The following TSHZ3 variants were observed in gnomAD, a reference collection of about 807,000 sequenced individuals.
TSHZ3 encodes teashirt zinc finger homeobox 3.
Under a neutral mutation model 64.5 loss-of-function variants are expected in TSHZ3, and 10 were observed. The ratio of observed to expected loss-of-function variants is 0.16; its 90% CI spans 0.10 to 0.26. The LOEUF (loss-of-function observed/expected upper bound fraction) is 0.26, where lower values mean the gene tolerates loss of function less well. Ranked by LOEUF, TSHZ3 falls within the 10% of genes least tolerant of loss-of-function variation. The pLI is 1.00. For synonymous variants in TSHZ3, 608 were observed against 593.1 expected, an observed-to-expected ratio of 1.03 and a Z score of -0.36; for missense variants, 1,242 against 1,421.7, an observed-to-expected ratio of 0.87 and a Z score of 2.03.
intron 3 of TSHZ3, among the ~76,000 whole-genome samples, chr19:31,231,611 T>C (rs748727990): frequency 6.6e-6 from 1 of 152,224 alleles, no homozygotes; most frequent in Non-Finnish European, 1.5e-5. Flanking sequence ...CTGAGTTATA[T>C]ATCTTGCCTC....
chr19:31,213,881 T>C (rs1394008231), intron 4 of TSHZ3, among the ~76,000 whole-genome samples: 1 of 152,164 alleles, frequency 6.6e-6, no homozygotes, highest in Non-Finnish European at 1.5e-5. Context: ...GCCCCTGGAG[T>C]TTAGACAATT....
chr19:31,200,156 T>C (rs1975058384), intron 5 of TSHZ3, among the ~76,000 whole-genome samples: 1 of 152,088 alleles, frequency 6.6e-6, no homozygotes, highest in Non-Finnish European at 1.5e-5. Context: ...GAAGATAGTT[T>C]GGGATTTTCT....
chr19:31,269,375 C>T (rs577420071), intron 1 of TSHZ3, among the ~76,000 whole-genome samples: 2 of 152,238 alleles, frequency 1.3e-5, no homozygotes, highest in African/African-American at 2.4e-5. Context: ...GGCGGAAGTC[C>T]GGCGACCGTA....
chr19:31,167,223 A>C (rs1974467196), intron 5 of TSHZ3, among the ~76,000 whole-genome samples: 1 of 152,232 alleles, frequency 6.6e-6, no homozygotes. Context: ...ATCTGCTGCC[A>C]CCTGAATGTA....
chr19:31,221,024 G>T (rs1975389453), intron 4 of TSHZ3, among the ~76,000 whole-genome samples: 2 of 152,140 alleles, frequency 1.3e-5, no homozygotes, highest in Admixed American at 6.5e-5. Context: ...ATTATCACCA[G>T]CAGTAACAAG....
chr19:31,229,609 G>T (rs963775102), intron 3 of TSHZ3, among the ~76,000 whole-genome samples: 2 of 152,166 alleles, frequency 1.3e-5, no homozygotes, highest in Non-Finnish European at 2.9e-5. Flanking sequence ...TTACCATAAA[G>T]TAGAATCTTG....
chr19:31,308,792 T>C, intron 1 of TSHZ3: 1 of 397,904 alleles, frequency 2.5e-6, no homozygotes, highest in Non-Finnish European at 4.4e-6. Context: ...CAGATCATCC[T>C]AGAGATAAGG....
In TSHZ3 at chr19:31,276,730, G is replaced by T. The variant is rs769212596; in HGVS notation, c.3063C>A (p.Thr1021=). ...TEQINSQIAQ[T]KSPSEKMVTS... is the part of the protein sequence containing the mutation. ...TCACCATTTTTTCTGACGGTGACTT[G>T]GTTTGTGCTATCTGACTGTTAATCT... is the stretch of plus-strand genomic sequence containing the variant. Residue 1021 remains threonine, a synonymous_variant, in exon 2 of 2, where the codon ACC becomes ACA. Transcript: ENST00000240587. 4.0e-5 allele frequency: 65 copies of T among 1,613,422 alleles called. No individual in the cohort carries two copies. Among genetic ancestry groups the T allele is most frequent in the Non-Finnish European group, 4.4e-5 (52 of 1,179,458 alleles).
rs1290431061 is a variant in TSHZ3, at chr19:31,314,710, G to A, written c.40+34470C>T. Among the ~76,000 whole-genome samples the A allele has an allele frequency of 3.9e-5, 6 of 152,342 alleles. No individual in the cohort carries two copies. In the South Asian group the frequency reaches 1.2e-3, roughly 32 times the overall value. ...TTAATTAACTTTGTAGCCAGAATGG[G>A]AGAAATTAACCGTTTGGATGAACCT... On this transcript the variant is annotated intron_variant, in intron 1 of 1. Transcript: ENST00000240587.
intron 4 of TSHZ3, among the ~76,000 whole-genome samples, chr19:31,220,656 C>T (rs908341852): frequency 1.3e-5 from 2 of 152,084 alleles, no homozygotes; most frequent in Non-Finnish European, 2.9e-5. Context: ...CCTTTCTATT[C>T]AGCTGGCAGG....
intron 1 of TSHZ3, among the ~76,000 whole-genome samples, chr19:31,344,743 T>C (rs111558648): frequency 3.3e-5 from 5 of 152,178 alleles, no homozygotes; most frequent in African/African-American, 1.2e-4. Flanking sequence ...AGGGCGGCGG[T>C]AAAGGAATGG....
intron 1 of TSHZ3, among the ~76,000 whole-genome samples, chr19:31,329,393 T>A (rs1412114658): frequency 6.6e-6 from 1 of 152,156 alleles, no homozygotes; most frequent in Non-Finnish European, 1.5e-5. Context: ...ATTACAATCA[T>A]CCAGGCCACT....
chr19:31,180,809 G>T (rs943484004), intron 5 of TSHZ3, among the ~76,000 whole-genome samples: 2 of 152,124 alleles, frequency 1.3e-5, no homozygotes, highest in Non-Finnish European at 2.9e-5. Context: ...CTACCACTGG[G>T]GCCCGGCCCT....
chr19:31,260,362 TA>T (rs1975969305), intron 1 of TSHZ3, among the ~76,000 whole-genome samples: 2 of 152,200 alleles, frequency 1.3e-5, no homozygotes, highest in Non-Finnish European at 2.9e-5. Flanking sequence ...TGATACTACA[TA>T]AAGTGTACTT....
At chr19:31,244,374 G>T (rs575996608) in intron 1 of TSHZ3, among the ~76,000 whole-genome samples, 2 of 152,254 alleles carry the variant, frequency 1.3e-5, no homozygotes, top group African/African-American at 4.8e-5. Flanking sequence ...ATGACTGAAA[G>T]TTTCCTGAGG....
chr19:31,198,663 C>A (rs528535808), intron 5 of TSHZ3, among the ~76,000 whole-genome samples: 20 of 152,106 alleles, frequency 1.3e-4, no homozygotes, highest in Admixed American at 3.3e-4. Context: ...AAAATAAAAA[C>A]AAAATACCGT....
intron 1 of TSHZ3, among the ~76,000 whole-genome samples, chr19:31,283,326 C>G (rs1198355001): frequency 1.3e-5 from 2 of 152,166 alleles, no homozygotes; most frequent in Non-Finnish European, 2.9e-5. Flanking sequence ...AAGCAAAATC[C>G]TATCTCCAAA....
At chr19:31,229,352 G>A (rs894446051) in intron 3 of TSHZ3, among the ~76,000 whole-genome samples, 2 of 152,162 alleles carry the variant, frequency 1.3e-5, no homozygotes, top group Admixed American at 6.5e-5. Flanking sequence ...GACCAAGGAT[G>A]GGCAGGTAGA....
At chr19:31,179,193 G>T (rs1024130014) in intron 5 of TSHZ3, among the ~76,000 whole-genome samples, 1 of 152,140 alleles carries the variant, frequency 6.6e-6, no homozygotes, top group South Asian at 2.1e-4. Flanking sequence ...ACACTCCAGG[G>T]CTATCAGCAG....
Sources: gnomAD v4.1 joint callset for allele counts (sites outside exome capture counted in the v4.1 genomes callset) on GRCh38, gnomAD v4.1.1 for gene constraint, MANE v1.5 for transcripts, NCBI Gene and HGNC (gene_info 2026-07-23, HGNC 2026-07-21) for gene names.